Variants in ATP2A3 observed in about 807,000 individuals in gnomAD.
ATP2A3 encodes the protein sarcoplasmic/endoplasmic reticulum calcium ATPase 3.
ATP2A3 carries 61 observed loss-of-function variants against 106.8 expected under a neutral mutation model. The observed-to-expected ratio is 0.57, with a 90% CI of 0.46 to 0.71. ATP2A3 has a LOEUF of 0.71. Ranked by LOEUF, ATP2A3 falls within the 30% of genes least tolerant of loss-of-function variation. ATP2A3 has a pLI of 0.00. For missense variants in ATP2A3, 1,201 were observed against 1,423.5 expected (o/e 0.84, Z 2.52); for synonymous variants, 611 against 609.3 (o/e 1.00, Z -0.04).
chr17:3,961,395 G>C (rs2055127889), intron 1 of ATP2A3, among the ~76,000 whole-genome samples: 1 of 152,192 alleles, frequency 6.6e-6, no homozygotes, highest in Non-Finnish European at 1.5e-5. Context: ...CTCACTCCCT[G>C]TTGGGGGTTA....
At chr17:3,962,533 A>G (rs1034194115) in intron 1 of ATP2A3, among the ~76,000 whole-genome samples, 3 of 151,646 alleles carry the variant, frequency 2.0e-5, no homozygotes, top group Non-Finnish European at 4.4e-5. Flanking sequence ...ACACACATCC[A>G]CCCTCTGTGG....
chr17:3,941,112 G>A lies in ATP2A3; in HGVS notation c.1959C>T (p.Tyr653=), dbSNP rs2053742047. 1 of 1,613,922 alleles carries A rather than the reference G, an allele frequency of 6.2e-7. No individual in the cohort carries two copies. The highest frequency in any genetic ancestry group is 1.7e-5 in the Admixed American group (1 of 60,010). The stretch of plus-strand genomic sequence containing the variant: ...TGAGGTCATCAAACTCGCGGCCCGT[G>A]TAGGCCTTGCCCGCCACGTCTTCCG... The part of the protein sequence containing the change: ...GDTEDVAGKA[Y]TGREFDDLSP... The change falls in exon 14 of 21, where the codon TAC becomes TAT. Residue 653 remains tyrosine (Y), a synonymous_variant. Coordinates refer to ENST00000397041, the MANE Select transcript of ATP2A3 (RefSeq NM_005173.4).
At chr17:3,959,675 C>A (rs1166836893) in intron 1 of ATP2A3, among the ~76,000 whole-genome samples, 1 of 152,252 alleles carries the variant, frequency 6.6e-6, no homozygotes, top group Admixed American at 6.5e-5. Flanking sequence ...GCAATTAAAT[C>A]GTCACTTGCA....
chr17:3,955,571 G>A lies in ATP2A3; in HGVS notation c.119-1861C>T, dbSNP rs1224965421. Among the ~76,000 whole-genome samples, 2 of 152,212 alleles carry A rather than the reference G, an allele frequency of 1.3e-5. No homozygotes were observed. The highest frequency in any genetic ancestry group is 4.8e-5 in the African/African-American group (2 of 41,450). Reference sequence around the variant, plus strand: ...AACAGGAAAGGCGGGGGGAGGGCCAGGACTGGTTTCTGGGCCAATTCTCCA... The same window carrying A: ...AACAGGAAAGGCGGGGGGAGGGCCAAGACTGGTTTCTGGGCCAATTCTCCA... On this transcript the variant is annotated intron_variant, in intron 1 of 20. Transcript: ENST00000397041. This position sits in a 1 kb window ranked among gnomAD's most constrained non-coding sequence, Gnocchi z 4.2.
chr17:3,945,042 C>T lies in ATP2A3; in HGVS notation c.1184+18G>A, dbSNP rs755791504. ...CCCCCAGGCCGCCCGCCCGCGCGTC[C>T]CCTGGCCCCGCACTCACACTTCGCC... On this transcript the variant is annotated intron_variant, in intron 9 of 20. Coordinates refer to ENST00000397041, the MANE Select transcript of ATP2A3 (RefSeq NM_005173.4). The T allele has an allele frequency of 3.5e-5, 53 of 1,517,018 alleles. No homozygotes were observed. The highest frequency in any genetic ancestry group is 4.7e-5 in the Non-Finnish European group (53 of 1,131,014). The allele number at this position is 1,517,018 out of a possible 1,614,324, so 94.0% of individuals were successfully genotyped here.
rs1476395102 is a variant in ATP2A3, at chr17:3,947,878, A to G, written c.631-23T>C. On this transcript the variant is annotated intron_variant, in intron 7 of 20. Transcript: ENST00000397041. The surrounding 1 kb of genome is among the most constrained non-coding windows in gnomAD (Gnocchi z 7.7). ...GCCCTGGCCAGGGGAGGGACAAGGA[A>G]AAAGCTGCTCAGCAGCCAACCAGGG... The G allele has an allele frequency of 1.9e-6, 3 of 1,597,544 alleles. No individual in the cohort carries two copies. The African/African-American group carries it at 4.0e-5, about 21-fold the overall frequency.
In ATP2A3 at chr17:3,953,214, C is replaced by A; in HGVS notation, c.219+133G>T. ...AAGCTGAAGTCTGAGCAGGGCAGGG[C>A]CAGGGAAGGCCAGGGCGCAGGCCCA... On this transcript the variant is annotated intron_variant, in intron 3 of 20. Coordinates refer to ENST00000397041, the MANE Select transcript of ATP2A3 (RefSeq NM_005173.4). The surrounding 1 kb of genome is among the most constrained non-coding windows in gnomAD (Gnocchi z 5.1). The A allele has an allele frequency of 9.7e-7, 1 of 1,028,382 alleles. No individual in the cohort carries two copies. Among genetic ancestry groups the A allele is most frequent in the Admixed American group, 1.7e-5 (1 of 57,274 alleles). The allele number at this position is 1,028,382 out of a possible 1,614,324, so 63.7% of individuals were successfully genotyped here.
intron 7 of ATP2A3, 106 bp downstream of exon 7, chr17:3,950,405 C>T (rs1430146210): frequency 1.8e-5 from 21 of 1,197,726 alleles, no homozygotes; most frequent in Non-Finnish European, 2.6e-5. Flanking sequence ...CTCAGGTGAT[C>T]CACCCACCTC....
At chr17:3,951,551 C>CCCCCCCCG in intron 4 of ATP2A3, 30 bp downstream of exon 4, 3 of 1,341,318 alleles carry the variant, frequency 2.2e-6, no homozygotes, top group Non-Finnish European at 2.1e-6. Context: ...AGACCGCCCC[C>CCCCCCCCG]CGCCCGGTCC....
chr17:3,928,348 G>C lies in ATP2A3; in HGVS notation c.2980+315C>G, dbSNP rs1184619700. 2 of 1,606,674 alleles carry C rather than the reference G, an allele frequency of 1.2e-6. No homozygotes were observed. The highest frequency in any genetic ancestry group is 2.2e-5 in the South Asian group (2 of 90,748). Reference sequence around the variant, plus strand: ...ACAGGCTGGGTGCAGAGGGGTCAGAGGCTGAGGCCCAGAAGAGCACACAGT... The same window carrying C: ...ACAGGCTGGGTGCAGAGGGGTCAGACGCTGAGGCCCAGAAGAGCACACAGT... On this transcript the variant is annotated intron_variant, in intron 20 of 20. Coordinates refer to ENST00000397041, the MANE Select transcript of ATP2A3 (RefSeq NM_005173.4). This position sits in a 1 kb window ranked among gnomAD's most constrained non-coding sequence, Gnocchi z 6.1.
chr17:3,944,931 TGGCCCCGCCCCGGGAGA>T (rs1362447660), intron 9 of ATP2A3, 112 bp downstream of exon 9: 3 of 1,323,188 alleles, frequency 2.3e-6, no homozygotes, highest in Non-Finnish European at 3.0e-6. Context: ...CTCCGCCTCC[TGGCCCCGCCCCGGGAGA>T]GGCTCCGCCT....
intron 1 of ATP2A3, among the ~76,000 whole-genome samples, chr17:3,961,407 G>A (rs1320085849): frequency 6.6e-6 from 1 of 152,038 alleles, no homozygotes; most frequent in South Asian, 2.1e-4. Context: ...TGGGGGTTAC[G>A]GCAGATGGGG....
At position 3,938,909 on chromosome 17, in the gene ATP2A3, T is replaced by C. The variant is rs377361595; in HGVS notation, c.2101-1273A>G. Among the ~76,000 whole-genome samples, 14 of 152,200 alleles carry C rather than the reference T, an allele frequency of 9.2e-5. No homozygotes were observed. The East Asian group carries it at 2.7e-3, about 29-fold the overall frequency. ...CGGGCTGGGTGTGGTGGCCCACACT[T>C]GTAATCCTAGCACTTTAGGAGGCCA... On this transcript the variant is annotated intron_variant, in intron 14 of 20. Coordinates refer to ENST00000397041, the MANE Select transcript of ATP2A3 (RefSeq NM_005173.4).
Position 3,939,736 on chromosome 17 carries a change from G to A in ATP2A3, c.2100+1235C>T, listed in dbSNP as rs558175455. Among the ~76,000 whole-genome samples, 16 of 138,758 alleles carry A rather than the reference G, an allele frequency of 1.2e-4. No homozygotes were observed. In the East Asian group the frequency reaches 2.7e-3, roughly 23 times the overall value. The allele number at this position is 138,758 out of a possible 152,430, so 91.0% of individuals were successfully genotyped here. On this transcript the variant is annotated intron_variant, in intron 14 of 20. Coordinates refer to ENST00000397041, the MANE Select transcript of ATP2A3 (RefSeq NM_005173.4). ...TGGGAGGCGGAGGTTGCAGTGAGCC[G>A]AGATCGTGCCACTGCGCTCCAGCCC...
chr17:3,956,449 G>A (rs536697577), intron 1 of ATP2A3, among the ~76,000 whole-genome samples: 2 of 152,352 alleles, frequency 1.3e-5, no homozygotes, highest in African/African-American at 4.8e-5. Flanking sequence ...TGTTCTGTGA[G>A]AGCAGAAGTA....
Position 3,950,694 on chromosome 17 carries a change from C to T in ATP2A3, c.543G>A (p.Thr181=), listed in dbSNP as rs372631057. Residue 181 remains threonine (T), a splice_region_variant and synonymous_variant, in exon 6 of 21, where the codon ACG becomes ACA. Transcript: ENST00000397041. ...CCGGCCTCCTGGGGGGGGCCTCACC[C>T]GTCAGGATGGACTGGTCCACTCGCA... ...TTLRVDQSIL[T]GESVSVTKHT... is the part of the protein sequence containing the mutation. 5 of 1,613,870 alleles carry T rather than the reference C, an allele frequency of 3.1e-6. No homozygotes were observed. Among genetic ancestry groups the T allele is most frequent in the East Asian group, 2.2e-5 (1 of 44,892 alleles).
Position 3,942,679 on chromosome 17 carries a change from C to T in ATP2A3, c.1472G>A (p.Arg491Gln), listed in dbSNP as rs900157056. Reference protein sequence around the residue: ...KEFTLEFSRDRKSMSVYCTPT... With the variant: ...KEFTLEFSRDQKSMSVYCTPT... ...CGTGCAGTACACGGACATGGATTTC[C>T]GGTCTCGGGAGAACTCCAGGGTGAA... The change falls in exon 12 of 21, where the codon CGG (arginine) becomes CAG (glutamine). Residue 491 changes from arginine (R) to glutamine (Q), a missense_variant. Around this residue, in one of 2 missense-constraint regions of ATP2A3, gnomAD observed 935 missense variants for 1,176.7 expected, o/e 0.79. Coordinates refer to ENST00000397041, the MANE Select transcript of ATP2A3 (RefSeq NM_005173.4). 6 of 1,613,554 alleles carry T rather than the reference C, an allele frequency of 3.7e-6. No individual in the cohort carries two copies. Among genetic ancestry groups the T allele is most frequent in the East Asian group, 4.5e-5 (2 of 44,864 alleles).
In ATP2A3 at chr17:3,926,667, T is replaced by A. The variant is rs905330305; in HGVS notation, c.2981-1226A>T. Among the ~76,000 whole-genome samples, 25 of 152,132 alleles carry A rather than the reference T, an allele frequency of 1.6e-4. No individual in the cohort carries two copies. Among genetic ancestry groups the A allele is most frequent in the African/African-American group, 5.8e-4 (24 of 41,412 alleles). On this transcript the variant is annotated intron_variant, in intron 20 of 20. Coordinates refer to ENST00000397041, the MANE Select transcript of ATP2A3 (RefSeq NM_005173.4). The surrounding 1 kb of genome is among the most constrained non-coding windows in gnomAD (Gnocchi z 4.6). ...TCACTGCAACCTCCACCTCCCAGGT[T>A]CAAGTGATTCTCCTGCCTCAGCCTC...
chr17:3,957,952 C>A (rs769270709), intron 1 of ATP2A3, among the ~76,000 whole-genome samples: 4 of 152,162 alleles, frequency 2.6e-5, no homozygotes, highest in Non-Finnish European at 5.9e-5. Flanking sequence ...GCCACGGTGA[C>A]CCCTGCCTGG....
Sources: gnomAD v4.1 joint callset for allele counts (sites outside exome capture counted in the v4.1 genomes callset) on GRCh38, gnomAD v4.1.1 for gene constraint, gnomAD v4.1.1 regional missense constraint, Gnocchi (gnomAD v3.1) non-coding constraint, MANE v1.5 for transcripts, NCBI Gene and HGNC (gene_info 2026-07-23, HGNC 2026-07-21) for gene names.